Variants in DDX60 observed in about 807,000 individuals in gnomAD.
The protein encoded by DDX60 is probable ATP-dependent RNA helicase DDX60.
Under a neutral mutation model 212.8 loss-of-function variants are expected in DDX60, and 165 were observed. That is an observed-to-expected ratio of 0.78 (90% CI 0.68 to 0.88). DDX60 has a LOEUF of 0.88. Ranked by LOEUF, DDX60 falls within the 40% of genes least tolerant of loss-of-function variation. DDX60 has a pLI of 0.00. For missense variants in DDX60, 1,905 were observed against 2,003.9 expected (o/e 0.95, Z 0.94); for synonymous variants, 703 against 685.3 (o/e 1.03, Z -0.40).
chr4:168,286,536 T>A (rs548107053), intron 10 of DDX60, among the ~76,000 whole-genome samples: 43 of 152,036 alleles, frequency 2.8e-4, no homozygotes, highest in Non-Finnish European at 4.6e-4. Context: ...GATTCCAGGT[T>A]AACCACCATT....
Position 168,262,199 on chromosome 4 carries a change from C to T in DDX60, c.3145-71G>A, listed in dbSNP as rs1001190398. 1.6e-5 allele frequency: 24 copies of T among 1,487,526 alleles called. No homozygotes were observed. The African/African-American group carries it at 3.0e-4, about 19-fold the overall frequency. The allele number at this position is 1,487,526 out of a possible 1,614,324, so 92.1% of individuals were successfully genotyped here. The stretch of plus-strand genomic sequence containing the variant: ...TCCAAAAGTATTTCTCAATTATATG[C>T]CTCATTAACAGCCTTACAAGTTTCT... On this transcript the variant is annotated intron_variant, in intron 23 of 37. Coordinates refer to ENST00000393743, the MANE Select transcript of DDX60 (RefSeq NM_017631.6).
intron 35 of DDX60, 96 bp downstream of exon 35, chr4:168,224,147 A>AAT: frequency 7.2e-7 from 1 of 1,389,066 alleles, no homozygotes; most frequent in East Asian, 2.3e-5. Context: ...TTTCCTTTTT[A>AAT]AGCTGGGAAA....
chr4:168,286,135 G>A (rs1735837774), intron 10 of DDX60, among the ~76,000 whole-genome samples: 1 of 150,114 alleles, frequency 6.7e-6, no homozygotes, highest in Admixed American at 6.7e-5. Context: ...AAGGAAGGAA[G>A]GAAGAAAGGA....
chr4:168,308,528 A>T (rs1736990906), intron 3 of DDX60, among the ~76,000 whole-genome samples: 1 of 151,916 alleles, frequency 6.6e-6, no homozygotes, highest in Admixed American at 6.6e-5. Flanking sequence ...AGCCCCTTAC[A>T]AGTGGATTCA....
At chr4:168,301,938 C>A (rs530583066) in intron 6 of DDX60, among the ~76,000 whole-genome samples, 22 of 152,254 alleles carry the variant, frequency 1.4e-4, no homozygotes, top group African/African-American at 4.8e-4. Context: ...ATTACTGATT[C>A]GCAGTCTTCA....
At position 168,299,227 on chromosome 4, in the gene DDX60, C is replaced by T. The variant is rs372299504; in HGVS notation, c.723+3073G>A. Among the ~76,000 whole-genome samples, 64 of 146,548 alleles carry T rather than the reference C, an allele frequency of 4.4e-4. 1 individual carries two copies. The South Asian group carries it at 5.2e-3, about 12-fold the overall frequency. ...TCTGGAACTTAAAAACATTTCTATT[C>T]GGTCAAACTTGGGTGAAAGGAAATA... On this transcript the variant is annotated intron_variant, in intron 6 of 37. Coordinates refer to ENST00000393743, the MANE Select transcript of DDX60 (RefSeq NM_017631.6).
intron 28 of DDX60, among the ~76,000 whole-genome samples, chr4:168,250,525 CTTTTTTT>C (rs59885639): frequency 7.2e-6 from 1 of 138,062 alleles, no homozygotes; most frequent in Non-Finnish European, 1.6e-5. Context: ...GATATCATGA[CTTTTTTT>C]TTTTTTTTTT....
intron 36 of DDX60, 108 bp downstream of exon 36, chr4:168,221,622 C>A (rs970048096): frequency 9.1e-6 from 11 of 1,212,720 alleles, no homozygotes; most frequent in East Asian, 4.9e-5. Flanking sequence ...TATGATTTAA[C>A]CTGCACTTGA....
chr4:168,231,400 CA>C lies in DDX60; in HGVS notation c.4533+4851del, dbSNP rs58009260. ...ATGTCAAAACCAGGAAATGACATAA[CA>C]AAAAAAAAAAGAAAGAAAACTACAG... On this transcript the variant is annotated intron_variant, in intron 33 of 37. Coordinates refer to ENST00000393743, the MANE Select transcript of DDX60 (RefSeq NM_017631.6). Among the ~76,000 whole-genome samples, 688 of 136,282 alleles carry C rather than the reference CA, an allele frequency of 5.0e-3. 4 individuals are homozygous for C. The highest frequency in any genetic ancestry group is 0.019 in the Middle Eastern group (5 of 270). The allele number at this position is 136,282 out of a possible 152,430, so 89.4% of individuals were successfully genotyped here. A position where few individuals can be genotyped will look rare whatever the true frequency, so the allele number is the denominator to read the frequency against.
In DDX60 at chr4:168,302,319, C is replaced by A; in HGVS notation, c.704G>T (p.Trp235Leu). The A allele has an allele frequency of 1.3e-6, 2 of 1,545,668 alleles. No individual in the cohort carries two copies. The highest frequency in any genetic ancestry group is 1.8e-6 in the Non-Finnish European group (2 of 1,137,206). The change falls in exon 6 of 38, where the codon TGG (tryptophan) becomes TTG (leucine). Residue 235 changes from tryptophan (W) to leucine (L), a missense_variant. Coordinates refer to ENST00000393743, the MANE Select transcript of DDX60 (RefSeq NM_017631.6). ...TGTTACCTCTTCCGTAATATTATTC[C>A]ATTTTAAACTTCCAAAAAGAGGTGC... Reference protein sequence around the residue: ...ALAPLFGSLKWNNITEEAHKT... With the variant: ...ALAPLFGSLKLNNITEEAHKT...
intron 34 of DDX60, among the ~76,000 whole-genome samples, chr4:168,225,013 A>T (rs1335595636): frequency 6.6e-6 from 1 of 151,990 alleles, no homozygotes; most frequent in Non-Finnish European, 1.5e-5. Flanking sequence ...CTATTTTAAG[A>T]TTTTCATATA....
intron 25 of DDX60, among the ~76,000 whole-genome samples, chr4:168,259,930 T>C (rs1734558210): frequency 6.6e-6 from 1 of 152,014 alleles, no homozygotes; most frequent in African/African-American, 2.4e-5. Flanking sequence ...ATATATTCAA[T>C]TTGTTTTGCA....
At chr4:168,239,949 A>T (rs1733779315) in intron 30 of DDX60, among the ~76,000 whole-genome samples, 1 of 152,196 alleles carries the variant, frequency 6.6e-6, no homozygotes, top group Admixed American at 6.5e-5. Flanking sequence ...ACTCTTATTC[A>T]ATACAGTATT....
At chr4:168,250,327 AGGTCAGGAGTT>A in intron 28 of DDX60, among the ~76,000 whole-genome samples, 1 of 151,982 alleles carries the variant, frequency 6.6e-6, no homozygotes, top group Non-Finnish European at 1.5e-5. Context: ...GGATCACCTA[AGGTCAGGAGTT>A]CGAGACCAGC....
At chr4:168,307,484 C>T (rs983419918) in intron 4 of DDX60, among the ~76,000 whole-genome samples, 5 of 152,060 alleles carry the variant, frequency 3.3e-5, no homozygotes, top group Non-Finnish European at 5.9e-5. Flanking sequence ...CACTATGTCA[C>T]CCAGGCTGAA....
At chr4:168,264,448 T>G (rs1389154252) in intron 22 of DDX60, among the ~76,000 whole-genome samples, 1 of 152,234 alleles carries the variant, frequency 6.6e-6, no homozygotes, top group Non-Finnish European at 1.5e-5. Context: ...TAGGTATTAC[T>G]TGAAAGTGGT....
intron 22 of DDX60, among the ~76,000 whole-genome samples, chr4:168,265,281 A>T (rs760789250): frequency 1.3e-5 from 2 of 152,168 alleles, no homozygotes; most frequent in Non-Finnish European, 2.9e-5. Flanking sequence ...ATGTTGCCAT[A>T]GTTTATTATG....
chr4:168,219,984 C>T (rs1168115574), intron 37 of DDX60, among the ~76,000 whole-genome samples: 1 of 151,378 alleles, frequency 6.6e-6, no homozygotes. Context: ...TGTGGTGAGC[C>T]GAGATCATAC....
chr4:168,295,605 G>A (rs1736307668), intron 6 of DDX60, among the ~76,000 whole-genome samples: 1 of 152,174 alleles, frequency 6.6e-6, no homozygotes, highest in African/African-American at 2.4e-5. Flanking sequence ...GATTCTGGAG[G>A]CTGCCTGATA....
Sources: gnomAD v4.1 joint callset for allele counts (sites outside exome capture counted in the v4.1 genomes callset) on GRCh38, gnomAD v4.1.1 for gene constraint, MANE v1.5 for transcripts, NCBI Gene and HGNC (gene_info 2026-07-23, HGNC 2026-07-21) for gene names.